Variants in CHST8 observed in about 807,000 individuals in gnomAD.
CHST8 encodes the protein GALNAC-4-ST1.
Under a neutral mutation model 15.0 loss-of-function variants are expected in CHST8, and 10 were observed. The ratio of observed to expected loss-of-function variants is 0.67; its 90% CI spans 0.41 to 1.13. The LOEUF is 1.13. Ranked by LOEUF, CHST8 falls within the 50% of genes most tolerant of loss-of-function variation. The probability of loss-of-function intolerance (pLI) is 0.00; values close to 1 mark genes in which losing one functional copy is unlikely to be tolerated. For missense variants in CHST8, 634 were observed against 608.2 expected, an observed-to-expected ratio of 1.04 and a Z score of -0.45; for synonymous variants, 259 against 256.6, an observed-to-expected ratio of 1.01 and a Z score of -0.09.
At chr19:33,658,690 T>A (rs931297195) in intron 1 of CHST8, among the ~76,000 whole-genome samples, 1 of 152,214 alleles carries the variant, frequency 6.6e-6, no homozygotes, top group Non-Finnish European at 1.5e-5. Flanking sequence ...TTTGAGGTTT[T>A]TCTCTTTGTT....
chr19:33,643,353 G>C (rs569824013), intron 1 of CHST8, among the ~76,000 whole-genome samples: 9 of 152,198 alleles, frequency 5.9e-5, no homozygotes, highest in African/African-American at 1.9e-4. Flanking sequence ...CATAGCTTAA[G>C]AAGGCATAAA....
chr19:33,662,211 T>C (rs1172831671), intron 1 of CHST8, among the ~76,000 whole-genome samples: 6 of 152,122 alleles, frequency 3.9e-5, no homozygotes, highest in African/African-American at 1.4e-4. Flanking sequence ...CCCCAGTAGC[T>C]GGGACTAAGA....
At chr19:33,707,672 G>C (rs1225944604) in intron 3 of CHST8, among the ~76,000 whole-genome samples, 2 of 152,180 alleles carry the variant, frequency 1.3e-5, no homozygotes, top group African/African-American at 4.8e-5. Flanking sequence ...CTGGATACGG[G>C]ATTGTTGATA....
chr19:33,741,947 C>A (rs911852887), intron 3 of CHST8, among the ~76,000 whole-genome samples: 4 of 152,036 alleles, frequency 2.6e-5, no homozygotes, highest in Non-Finnish European at 5.9e-5. Context: ...GTCTGTGAAC[C>A]CAACATGAGC....
intron 1 of CHST8, among the ~76,000 whole-genome samples, chr19:33,635,012 T>C (rs989012235): frequency 1.3e-5 from 2 of 152,142 alleles, no homozygotes; most frequent in Admixed American, 1.3e-4. Context: ...GCACTGGCCA[T>C]TTGAGAGCCT....
At chr19:33,671,924 G>C (rs975387025) in intron 2 of CHST8, among the ~76,000 whole-genome samples, 4 of 151,944 alleles carry the variant, frequency 2.6e-5, no homozygotes, top group Non-Finnish European at 5.9e-5. Flanking sequence ...GGGGAGGAGG[G>C]TTGCAAAGGG....
intron 3 of CHST8, among the ~76,000 whole-genome samples, chr19:33,749,856 G>A (rs1382029307): frequency 5.3e-5 from 8 of 152,220 alleles, no homozygotes; most frequent in African/African-American, 7.2e-5. Context: ...TCCAGCTGGC[G>A]CACCAAGCAC....
intron 1 of CHST8, among the ~76,000 whole-genome samples, chr19:33,640,117 C>T (rs980471148): frequency 6.6e-6 from 1 of 152,344 alleles, no homozygotes; most frequent in Non-Finnish European, 1.5e-5. Flanking sequence ...GCTGGAATTA[C>T]AGGCGTAAGC....
intron 1 of CHST8, among the ~76,000 whole-genome samples, chr19:33,625,744 C>T (rs1323867339): frequency 6.6e-6 from 1 of 152,042 alleles, no homozygotes; most frequent in South Asian, 2.1e-4. Context: ...CACCTGTAGT[C>T]CCAGCTACTC....
chr19:33,753,466 C>T (rs1463322166), intron 3 of CHST8, among the ~76,000 whole-genome samples: 1 of 102,274 alleles, frequency 9.8e-6, no homozygotes, highest in Non-Finnish European at 2.0e-5. Context: ...CACCATCCTC[C>T]CACCACCCAC....
chr19:33,682,924 G>T (rs1324572035), intron 2 of CHST8, among the ~76,000 whole-genome samples: 1 of 152,236 alleles, frequency 6.6e-6, no homozygotes, highest in Admixed American at 6.5e-5. Flanking sequence ...AGGAAGCATG[G>T]TGTTGGCATC....
intron 1 of CHST8, among the ~76,000 whole-genome samples, chr19:33,654,316 G>A (rs1346142644): frequency 2.0e-5 from 3 of 151,810 alleles, no homozygotes; most frequent in Non-Finnish European, 4.4e-5. Flanking sequence ...CATAAATCAG[G>A]TTTCTCCCTC....
intron 3 of CHST8, among the ~76,000 whole-genome samples, chr19:33,745,207 C>T (rs996624981): frequency 6.6e-6 from 1 of 152,178 alleles, no homozygotes; most frequent in Non-Finnish European, 1.5e-5. Context: ...GTCTTGAGAC[C>T]TGTCCTCTTG....
Position 33,629,356 on chromosome 19 carries a change from C to T in CHST8, c.-164+7060C>T, listed in dbSNP as rs537503631. On this transcript the variant is annotated intron_variant, in intron 1 of 4. Transcript: ENST00000650847. ...GGCTGGCACCTGCCCCAGAAAGAAT[C>T]CTCTCTTATACCCTTTTCTTGCTCT... Among the ~76,000 whole-genome samples, 9 of 152,360 alleles carry T rather than the reference C, an allele frequency of 5.9e-5. No individual in the cohort carries two copies. In the South Asian group the frequency reaches 1.9e-3, roughly 32 times the overall value.
At chr19:33,683,162 C>A (rs1005574857) in intron 2 of CHST8, among the ~76,000 whole-genome samples, 2 of 152,212 alleles carry the variant, frequency 1.3e-5, no homozygotes, top group Admixed American at 6.5e-5. Context: ...CAGTCCCCTC[C>A]AACCAGACCC....
chr19:33,626,556 A>G (rs980257251), intron 1 of CHST8, among the ~76,000 whole-genome samples: 8 of 152,160 alleles, frequency 5.3e-5, no homozygotes, highest in African/African-American at 1.9e-4. Context: ...GATTAATGCT[A>G]TTGTGAGGCA....
intron 1 of CHST8, among the ~76,000 whole-genome samples, chr19:33,625,867 A>T (rs1395278852): frequency 4.0e-5 from 6 of 150,314 alleles, no homozygotes; most frequent in African/African-American, 1.2e-4. Flanking sequence ...CTCAAAATAA[A>T]TTTTTTTTTT....
In CHST8 at chr19:33,654,715, G is replaced by T. The variant is rs553226805; in HGVS notation, c.-163-13052G>T. ...TATAAAAATATTTTCTTTTAGACAG[G>T]GTTTGAGTTTTCTAGGCTTCCATTT... is the stretch of plus-strand genomic sequence containing the variant. On this transcript the variant is annotated intron_variant, in intron 1 of 4. Coordinates refer to ENST00000650847, the MANE Select transcript of CHST8 (RefSeq NM_001127895.2). Among the ~76,000 whole-genome samples, 44 of 152,028 alleles carry T rather than the reference G, an allele frequency of 2.9e-4. No homozygotes were observed. In the Middle Eastern group the frequency reaches 0.01, roughly 35 times the overall value.
chr19:33,690,902 C>T (rs1017631565), intron 3 of CHST8, among the ~76,000 whole-genome samples: 5 of 152,206 alleles, frequency 3.3e-5, no homozygotes, highest in South Asian at 2.1e-4. Flanking sequence ...GGCGAGCAAA[C>T]GCTGACTGGG....
Sources: allele counts gnomAD v4.1 joint callset (sites outside exome capture counted in the v4.1 genomes callset), GRCh38; gene constraint gnomAD v4.1.1; transcripts MANE v1.5; gene names NCBI Gene and HGNC (gene_info 2026-07-23, HGNC 2026-07-21).